Variants in LSM1 observed in about 807,000 individuals in gnomAD.
LSM1 encodes U6 snRNA-associated Sm-like protein LSm1.
Under a neutral mutation model 18.0 loss-of-function variants are expected in LSM1, and 13 were observed. The ratio of observed to expected loss-of-function variants is 0.72; its 90% CI spans 0.47 to 1.15. The LOEUF is 1.15. LSM1 is among the 50% of genes most tolerant of loss of function. The pLI is 0.00. For synonymous variants in LSM1, 46 were observed against 56.0 expected (o/e 0.82, Z 0.80); for missense variants, 152 against 157.7 (o/e 0.96, Z 0.19).
chr8:38,164,922 TCTGTAGTCTAGATCTAAA>T (rs1361677689), intron 3 of LSM1, among the ~76,000 whole-genome samples: 2 of 152,194 alleles, frequency 1.3e-5, no homozygotes, highest in Non-Finnish European at 2.9e-5. Flanking sequence ...CCGTACCAGC[TCTGTAGTCTAGATCTAAA>T]CTGTAACAAG....
At chr8:38,171,060 A>G (rs1324324962) in intron 2 of LSM1, 1 of 412,550 alleles carries the variant, frequency 2.4e-6, no homozygotes, top group South Asian at 1.7e-5. Flanking sequence ...AAAATGCAGG[A>G]TGCGAAACAA....
At chr8:38,163,973 C>A in intron 3 of LSM1, 133 bp from the exon 4 acceptor site, 1 of 759,396 alleles carries the variant, frequency 1.3e-6, no homozygotes. Context: ...ATATCCTTCT[C>A]CTAGGGACCG....
At chr8:38,164,732 G>A (rs1374782564) in intron 3 of LSM1, among the ~76,000 whole-genome samples, 1 of 152,064 alleles carries the variant, frequency 6.6e-6, no homozygotes, top group Non-Finnish European at 1.5e-5. Flanking sequence ...AGGAGGCTGA[G>A]GTGGAAGGAC....
chr8:38,172,164 A>G (rs1271370938), intron 1 of LSM1, 131 bp from the exon 2 acceptor site: 4 of 661,254 alleles, frequency 6.0e-6, no homozygotes, highest in Non-Finnish European at 1.0e-5. Flanking sequence ...AGTTCATTGG[A>G]AAACTGAAAA....
chr8:38,169,052 A>G (rs1270354886), intron 3 of LSM1, among the ~76,000 whole-genome samples: 1 of 152,236 alleles, frequency 6.6e-6, no homozygotes, highest in Non-Finnish European at 1.5e-5. Flanking sequence ...GTAAGAAAAA[A>G]GAAGACAGTG....
At chr8:38,172,927 C>G (rs1160981152) in intron 1 of LSM1, among the ~76,000 whole-genome samples, 1 of 152,118 alleles carries the variant, frequency 6.6e-6, no homozygotes. Flanking sequence ...AGTCACCAAC[C>G]TTATGAATTT....
chr8:38,175,103 C>T (rs1257465522), intron 1 of LSM1, among the ~76,000 whole-genome samples: 1 of 122,788 alleles, frequency 8.1e-6, no homozygotes, highest in Non-Finnish European at 1.7e-5. Context: ...TTTTTTGAGA[C>T]GGAGTCTTGC....
chr8:38,163,742 C>T lies in LSM1; in HGVS notation c.330G>A (p.Glu110=), dbSNP rs1400842040. Residue 110 remains glutamate (E), a synonymous_variant, in exon 4 of 4, where the codon GAG becomes GAA. Coordinates refer to ENST00000311351, the MANE Select transcript of LSM1 (RefSeq NM_014462.3). ...RVEQQTKLEA[E]KLKVQALKDR... is the part of the protein sequence containing the mutation. ...CCTTCAGGGCCTGCACTTTCAACTT[C>T]TCTGCTTCCAGCTTGGTCTGCTGTT... 3.7e-6 allele frequency: 6 copies of T among 1,614,030 alleles called. No homozygotes were observed. Among genetic ancestry groups the T allele is most frequent in the Non-Finnish European group, 4.2e-6 (5 of 1,180,024 alleles).
intron 1 of LSM1, among the ~76,000 whole-genome samples, chr8:38,175,120 G>A (rs1403652819): frequency 1.7e-4 from 24 of 138,390 alleles, no homozygotes; most frequent in Non-Finnish European, 2.4e-4. Flanking sequence ...TTGCTCTGTC[G>A]CTCAGGCTGG....
chr8:38,170,865 A>G, intron 2 of LSM1: 1 of 219,140 alleles, frequency 4.6e-6, no homozygotes, highest in East Asian at 1.0e-4. Context: ...TCTTTCAATT[A>G]GTACTACTTG....
chr8:38,175,035 A>G (rs1381315351), intron 1 of LSM1, among the ~76,000 whole-genome samples: 2 of 151,038 alleles, frequency 1.3e-5, no homozygotes, highest in African/African-American at 4.8e-5. Context: ...CAAAAAAAAA[A>G]AAAAAAAAAG....
At chr8:38,171,938 A>C (rs1440225379) in intron 2 of LSM1, 27 bp downstream of exon 2, 1 of 1,508,986 alleles carries the variant, frequency 6.6e-7, no homozygotes, top group African/African-American at 1.4e-5. Context: ...TCCAGAGTAT[A>C]AGAGATGTCC....
Position 38,168,204 on chromosome 8 carries a change from G to A in LSM1, c.231+1598C>T, listed in dbSNP as rs538895988. Reference sequence around the variant, plus strand: ...TCTCGATCTCCTGACCTTGTGATCCGCCCGCCTCAGCCTCCCGAAGTGCTG... The same window carrying A: ...TCTCGATCTCCTGACCTTGTGATCCACCCGCCTCAGCCTCCCGAAGTGCTG... On this transcript the variant is annotated intron_variant, in intron 3 of 3. Coordinates refer to ENST00000311351, the MANE Select transcript of LSM1 (RefSeq NM_014462.3). 4.6e-5 allele frequency among the ~76,000 whole-genome samples: 7 copies of A among 151,356 alleles called. No individual in the cohort carries two copies. In the South Asian group the frequency reaches 1.3e-3, roughly 27 times the overall value.
At chr8:38,165,599 A>T (rs915139947) in intron 3 of LSM1, among the ~76,000 whole-genome samples, 1 of 151,604 alleles carries the variant, frequency 6.6e-6, no homozygotes, top group Non-Finnish European at 1.5e-5. Flanking sequence ...CGGGAAGCTG[A>T]GGCACGAGAA....
At chr8:38,172,068 C>T (rs760941207) in intron 1 of LSM1, 35 bp from the exon 2 acceptor site, 2 of 1,435,872 alleles carry the variant, frequency 1.4e-6, no homozygotes, top group Non-Finnish European at 9.8e-7. Flanking sequence ...TAAATGAAAA[C>T]TGACAAGTTC....
intron 1 of LSM1, chr8:38,175,846 G>C (rs555582776): frequency 6.3e-6 from 1 of 159,410 alleles, no homozygotes; most frequent in South Asian, 1.6e-4. Context: ...AACTGCCGCT[G>C]TCTTAATATT....
chr8:38,169,596 G>A (rs1585640147), intron 3 of LSM1, among the ~76,000 whole-genome samples: 2 of 152,154 alleles, frequency 1.3e-5, no homozygotes, highest in African/African-American at 4.8e-5. Flanking sequence ...TCAATTTTCT[G>A]CTATTAAACA....
chr8:38,170,903 T>A (rs1803016051), intron 2 of LSM1: 1 of 309,732 alleles, frequency 3.2e-6, no homozygotes, highest in Admixed American at 3.7e-5. Context: ...GAGAAATCTA[T>A]GTTCATATCT....
chr8:38,170,275 G>T (rs944052384), intron 2 of LSM1, among the ~76,000 whole-genome samples: 3 of 152,154 alleles, frequency 2.0e-5, no homozygotes, highest in Non-Finnish European at 4.4e-5. Context: ...CTGGCCTTGT[G>T]ATCCGCCCAC....
Sources: allele counts gnomAD v4.1 joint callset (sites outside exome capture counted in the v4.1 genomes callset), GRCh38; gene constraint gnomAD v4.1.1; transcripts MANE v1.5; gene names NCBI Gene and HGNC (gene_info 2026-07-23, HGNC 2026-07-21).